Variants in AP3B1 observed in about 807,000 individuals in gnomAD.
The protein encoded by AP3B1 is AP-3 complex subunit beta-1.
AP3B1 carries 61 observed loss-of-function variants against 132.5 expected under a neutral mutation model. The ratio of observed to expected loss-of-function variants is 0.46; its 90% confidence interval spans 0.37 to 0.57. The LOEUF is 0.57. Ranked by LOEUF, AP3B1 falls within the 20% of genes least tolerant of loss-of-function variation. The pLI is 0.00. For synonymous variants in AP3B1, 388 were observed against 438.3 expected (o/e 0.89, Z 1.43); for missense variants, 1,120 against 1,289.4 (o/e 0.87, Z 2.01).
intron 26 of AP3B1, among the ~76,000 whole-genome samples, chr5:78,013,885 CG>C (rs1746730729): frequency 6.6e-6 from 1 of 152,050 alleles, no homozygotes; most frequent in Admixed American, 6.6e-5. Flanking sequence ...TGAAAGACAC[CG>C]GGCGCGGTGG....
At chr5:78,178,947 C>T (rs1306079467) in intron 8 of AP3B1, among the ~76,000 whole-genome samples, 1 of 152,018 alleles carries the variant, frequency 6.6e-6, no homozygotes, top group African/African-American at 2.4e-5. Flanking sequence ...TATACAGGGT[C>T]CTAAATTTAC....
chr5:78,183,259 G>C (rs1744444723), intron 7 of AP3B1, among the ~76,000 whole-genome samples: 1 of 152,158 alleles, frequency 6.6e-6, no homozygotes. Context: ...GCAGTGATGA[G>C]ACAGCACCCC....
intron 7 of AP3B1, among the ~76,000 whole-genome samples, chr5:78,193,913 C>A (rs1002705238): frequency 2.6e-5 from 4 of 151,190 alleles, no homozygotes; most frequent in African/African-American, 9.7e-5. Flanking sequence ...TGCCACCACA[C>A]CCGGCTAATT....
chr5:78,169,743 T>C (rs1431152378), intron 11 of AP3B1, among the ~76,000 whole-genome samples: 2 of 151,160 alleles, frequency 1.3e-5, no homozygotes, highest in African/African-American at 2.4e-5. Flanking sequence ...GTTTATTTAT[T>C]TATTTATTTA....
At chr5:78,013,735 T>C (rs1404477661) in intron 26 of AP3B1, among the ~76,000 whole-genome samples, 1 of 152,256 alleles carries the variant, frequency 6.6e-6, no homozygotes, top group East Asian at 1.9e-4. Flanking sequence ...AAGGCTTTTG[T>C]TACTCTTTTC....
intron 11 of AP3B1, among the ~76,000 whole-genome samples, chr5:78,173,333 A>G (rs1426711433): frequency 1.3e-5 from 2 of 152,048 alleles, no homozygotes; most frequent in Non-Finnish European, 2.9e-5. Context: ...TGTCTCGTTG[A>G]TTTGTCTAAT....
In AP3B1 at chr5:78,083,273, C is replaced by G. The variant is rs1027084541; in HGVS notation, c.2577+6120G>C. On this transcript the variant is annotated intron_variant, in intron 22 of 26. Transcript: ENST00000255194. ...AGTCAAGGTTTCATGTTGATGTTTA[C>G]CAGTTAAAGCAGAACATACACTAAA... 2.2e-4 allele frequency among the ~76,000 whole-genome samples: 33 copies of G among 152,202 alleles called. 1 individual carries two copies. Among genetic ancestry groups the G allele is most frequent in the Admixed American group, 2.0e-4 (3 of 15,296 alleles).
chr5:78,219,906 C>G (rs1477030089), intron 6 of AP3B1, among the ~76,000 whole-genome samples: 1 of 152,070 alleles, frequency 6.6e-6, no homozygotes, highest in Admixed American at 6.6e-5. Context: ...ATGTCATCAT[C>G]GTAATAATGA....
intron 14 of AP3B1, among the ~76,000 whole-genome samples, chr5:78,147,733 C>T (rs1753468848): frequency 6.6e-6 from 1 of 152,190 alleles, no homozygotes; most frequent in African/African-American, 2.4e-5. Context: ...AGTCCAGCAA[C>T]TGTTGAGAAA....
chr5:78,276,233 TG>T (rs1371725146), intron 1 of AP3B1, among the ~76,000 whole-genome samples: 2 of 152,042 alleles, frequency 1.3e-5, no homozygotes, highest in Admixed American at 6.6e-5. Flanking sequence ...GCCTGGCTAA[TG>T]TTTTTTTATT....
intron 19 of AP3B1, among the ~76,000 whole-genome samples, chr5:78,113,520 C>T (rs1020397919): frequency 6.6e-6 from 1 of 152,056 alleles, no homozygotes; most frequent in Non-Finnish European, 1.5e-5. Context: ...CAAGGTTATA[C>T]CAATTTTCAA....
chr5:78,088,840 G>C (rs1402946027), intron 22 of AP3B1: 3 of 153,042 alleles, frequency 2.0e-5, no homozygotes, highest in African/African-American at 7.3e-5. Context: ...ATATGTTGAC[G>C]GTTTTTGCAT....
At chr5:78,281,986 G>GA (rs750968274) in intron 1 of AP3B1, among the ~76,000 whole-genome samples, 1 of 151,798 alleles carries the variant, frequency 6.6e-6, no homozygotes, top group Non-Finnish European at 1.5e-5. Flanking sequence ...TACTCTAAAA[G>GA]AAAAAAAAGC....
At chr5:78,171,064 G>A (rs1743891980) in intron 11 of AP3B1, among the ~76,000 whole-genome samples, 1 of 152,072 alleles carries the variant, frequency 6.6e-6, no homozygotes, top group South Asian at 2.1e-4. Context: ...TGTTATTTCT[G>A]AGACTTCTGT....
chr5:78,073,387 C>T (rs547978657), intron 22 of AP3B1, among the ~76,000 whole-genome samples: 1 of 152,128 alleles, frequency 6.6e-6, no homozygotes, highest in African/African-American at 2.4e-5. Context: ...ATAATATTTG[C>T]TATATGATTG....
chr5:78,293,503 G>A lies in AP3B1; in HGVS notation c.128+949C>T, dbSNP rs187336284. ...CAATTTGAAGTAGTAGCACTTTCTA[G>A]ACTACCCAATATTGTTAGTAACGTT... On this transcript the variant is annotated intron_variant, in intron 1 of 26. Transcript: ENST00000255194. Among the ~76,000 whole-genome samples, 323 of 152,246 alleles carry A rather than the reference G, an allele frequency of 2.1e-3. 1 individual carries two copies. The highest frequency in any genetic ancestry group is 3.6e-3 in the Non-Finnish European group (245 of 68,010).
At chr5:78,224,027 T>C (rs1392045438) in intron 6 of AP3B1, among the ~76,000 whole-genome samples, 1 of 152,148 alleles carries the variant, frequency 6.6e-6, no homozygotes, top group East Asian at 1.9e-4. Flanking sequence ...CTCTCCATGG[T>C]ACTTAGCCAA....
chr5:78,292,376 G>A (rs1306523022), intron 1 of AP3B1, among the ~76,000 whole-genome samples: 1 of 152,118 alleles, frequency 6.6e-6, no homozygotes, highest in African/African-American at 2.4e-5. Flanking sequence ...GGTACTACTT[G>A]GAGCTACTAT....
intron 20 of AP3B1, among the ~76,000 whole-genome samples, chr5:78,105,573 T>C (rs541127112): frequency 2.6e-5 from 4 of 152,254 alleles, no homozygotes; most frequent in African/African-American, 9.6e-5. Flanking sequence ...CCCCTTTACA[T>C]TGTGTAAAGT....
Sources: gnomAD v4.1 joint callset for allele counts (sites outside exome capture counted in the v4.1 genomes callset) on GRCh38, gnomAD v4.1.1 for gene constraint, MANE v1.5 for transcripts, NCBI Gene and HGNC (gene_info 2026-07-23, HGNC 2026-07-21) for gene names.